The following IMMP2L variants were observed in gnomAD, a reference collection of about 807,000 sequenced individuals.
The protein encoded by IMMP2L is mitochondrial inner membrane protease subunit 2.
Under a neutral mutation model 19.3 loss-of-function variants are expected in IMMP2L, and 18 were observed. The ratio of observed to expected loss-of-function variants is 0.93; its 90% CI spans 0.64 to 1.38. The LOEUF (loss-of-function observed/expected upper bound fraction) is 1.38. IMMP2L is among the 40% of genes most tolerant of loss of function. IMMP2L has a pLI of 0.00. For synonymous variants in IMMP2L, 76 were observed against 73.0 expected, an observed-to-expected ratio of 1.04 and a Z score of -0.21; for missense variants, 233 against 218.2, an observed-to-expected ratio of 1.07 and a Z score of -0.43.
At chr7:111,476,605 A>T (rs545516971) in intron 3 of IMMP2L, among the ~76,000 whole-genome samples, 2 of 152,288 alleles carry the variant, frequency 1.3e-5, no homozygotes, top group Admixed American at 6.5e-5. Context: ...AGGTCCTTCT[A>T]TAGAAATCCC....
At chr7:111,164,157 AAGGAAGGC>A (rs1252844422) in intron 3 of IMMP2L, among the ~76,000 whole-genome samples, 9 of 150,994 alleles carry the variant, frequency 6.0e-5, no homozygotes, top group African/African-American at 2.2e-4. Context: ...GGAAGGAAGG[AAGGAAGGC>A]AGGAAGGCAG....
At chr7:111,147,428 T>G (rs916269713) in intron 3 of IMMP2L, among the ~76,000 whole-genome samples, 1 of 152,156 alleles carries the variant, frequency 6.6e-6, no homozygotes, top group Non-Finnish European at 1.5e-5. Context: ...GAAAGTTGTC[T>G]GTAGGCAACA....
At chr7:110,991,629 A>T (rs1056860229) in intron 3 of IMMP2L, among the ~76,000 whole-genome samples, 2 of 152,094 alleles carry the variant, frequency 1.3e-5, no homozygotes, top group African/African-American at 4.8e-5. Flanking sequence ...TAACTAATCT[A>T]CTTTTTGAAA....
intron 2 of IMMP2L, among the ~76,000 whole-genome samples, chr7:111,507,816 C>T (rs1845072900): frequency 6.6e-6 from 1 of 152,170 alleles, no homozygotes; most frequent in East Asian, 1.9e-4. Context: ...GCTTCATTGA[C>T]ATGTCAGGCA....
intron 3 of IMMP2L, among the ~76,000 whole-genome samples, chr7:111,173,142 T>G (rs1253122177): frequency 6.6e-6 from 1 of 151,590 alleles, no homozygotes; most frequent in African/African-American, 2.4e-5. Flanking sequence ...AACATTAATA[T>G]TACTACTGAA....
chr7:111,153,515 G>T (rs925439009), intron 3 of IMMP2L, among the ~76,000 whole-genome samples: 1 of 151,894 alleles, frequency 6.6e-6, no homozygotes, highest in African/African-American at 2.4e-5. Context: ...ATCTTTTCAT[G>T]GTAAGGAAAT....
chr7:110,989,790 G>A (rs927938215), intron 3 of IMMP2L, among the ~76,000 whole-genome samples: 14 of 151,594 alleles, frequency 9.2e-5, no homozygotes, highest in Non-Finnish European at 1.3e-4. Flanking sequence ...TATCTGATGG[G>A]CAAATGTTTT....
intron 3 of IMMP2L, among the ~76,000 whole-genome samples, chr7:111,361,266 C>A (rs1246291084): frequency 6.6e-6 from 1 of 152,062 alleles, no homozygotes; most frequent in Non-Finnish European, 1.5e-5. Context: ...ACTGTGTGGG[C>A]ATCTGTTCCC....
At chr7:110,871,485 T>C (rs1368727110) in intron 5 of IMMP2L, among the ~76,000 whole-genome samples, 1 of 152,092 alleles carries the variant, frequency 6.6e-6, no homozygotes, top group East Asian at 1.9e-4. Flanking sequence ...AAGAACATTC[T>C]CAACATATTT....
intron 5 of IMMP2L, among the ~76,000 whole-genome samples, chr7:110,737,398 G>A (rs926829940): frequency 2.0e-5 from 3 of 152,156 alleles, no homozygotes; most frequent in Non-Finnish European, 4.4e-5. Context: ...TGAGGCCTGT[G>A]ACTGCTGGCT....
At chr7:111,152,554 C>G (rs924785070) in intron 3 of IMMP2L, among the ~76,000 whole-genome samples, 3 of 152,200 alleles carry the variant, frequency 2.0e-5, no homozygotes, top group Non-Finnish European at 4.4e-5. Flanking sequence ...AAAATAGTTA[C>G]ATATACCCAA....
intron 5 of IMMP2L, among the ~76,000 whole-genome samples, chr7:110,783,625 T>G (rs1799886749): frequency 6.6e-6 from 1 of 151,902 alleles, no homozygotes; most frequent in African/African-American, 2.4e-5. Context: ...AGTAAAGGGT[T>G]TTCACAGCAT....
At chr7:110,946,717 C>CTTT (rs1817282382) in intron 4 of IMMP2L, among the ~76,000 whole-genome samples, 1 of 97,926 alleles carries the variant, frequency 1.0e-5, no homozygotes, top group Non-Finnish European at 2.1e-5. Flanking sequence ...ACATTTAATA[C>CTTT]CTTTTTTTTT....
chr7:110,802,773 T>C (rs1801353135), intron 5 of IMMP2L, among the ~76,000 whole-genome samples: 1 of 151,974 alleles, frequency 6.6e-6, no homozygotes, highest in African/African-American at 2.4e-5. Context: ...GTCCTGACCC[T>C]GAGGAACCTG....
chr7:110,726,505 G>A (rs1438021753), intron 5 of IMMP2L, among the ~76,000 whole-genome samples: 1 of 152,148 alleles, frequency 6.6e-6, no homozygotes, highest in Admixed American at 6.5e-5. Context: ...TTCCAAAGGA[G>A]GATTCTGAGA....
At chr7:111,369,522 A>G (rs1159041345) in intron 3 of IMMP2L, among the ~76,000 whole-genome samples, 1 of 151,952 alleles carries the variant, frequency 6.6e-6, no homozygotes, top group East Asian at 1.9e-4. Flanking sequence ...GTGAGAGTCT[A>G]AAAAGCCAGT....
intron 3 of IMMP2L, among the ~76,000 whole-genome samples, chr7:111,138,646 A>G (rs1266519548): frequency 1.3e-5 from 2 of 152,234 alleles, no homozygotes; most frequent in Non-Finnish European, 2.9e-5. Flanking sequence ...CAATAAATCA[A>G]AATAGTCCTA....
At chr7:110,818,171 C>T (rs533467148) in intron 5 of IMMP2L, among the ~76,000 whole-genome samples, 1 of 152,068 alleles carries the variant, frequency 6.6e-6, no homozygotes, top group Non-Finnish European at 1.5e-5. Flanking sequence ...TCAGAGTGAA[C>T]AGGCAACCTA....
intron 3 of IMMP2L, among the ~76,000 whole-genome samples, chr7:111,049,737 A>G (rs1319508536): frequency 1.3e-5 from 2 of 152,244 alleles, no homozygotes; most frequent in African/African-American, 4.8e-5. Flanking sequence ...ATTCCAAAGC[A>G]AAGGCAAAAT....
Sources: gnomAD v4.1 joint callset for allele counts (sites outside exome capture counted in the v4.1 genomes callset) on GRCh38, gnomAD v4.1.1 for gene constraint, MANE v1.5 for transcripts, NCBI Gene and HGNC (gene_info 2026-07-23, HGNC 2026-07-21) for gene names.